The following ZKSCAN3 variants were observed in gnomAD, a reference collection of about 807,000 sequenced individuals.
ZKSCAN3 encodes the protein zinc finger protein with KRAB and SCAN domains 3.
In ZKSCAN3, 21 loss-of-function variants were observed where a neutral mutation model predicts 30.7. That is an observed-to-expected ratio of 0.68 (90% CI 0.49 to 0.99). The LOEUF (loss-of-function observed/expected upper bound fraction) is 0.99, where lower values mean the gene tolerates loss of function less well. Among genes scored for constraint, ZKSCAN3 ranks in the 50% least tolerant of loss-of-function variants. The probability of loss-of-function intolerance (pLI) is 0.00; values close to 1 mark genes in which losing one functional copy is unlikely to be tolerated. For synonymous variants in ZKSCAN3, 201 were observed against 246.7 expected (o/e 0.81, Z 1.73); for missense variants, 507 against 647.1 (o/e 0.78, Z 2.35).
rs941356473 is a variant in ZKSCAN3 at position 28,368,012 on chromosome 6, A to G, written c.*1727A>G. On this transcript the variant is annotated 3_prime_UTR_variant, in exon 6 of 6. Transcript: ENST00000252211. ...TTAACTCGTCATTTACATTGGGTGT[A>G]TCTCCTAATGCTTTCCCTCCCCCCA... The G allele has an allele frequency of 6.7e-6, 1 of 148,322 alleles. No individual in the cohort carries two copies. The highest frequency in any genetic ancestry group is 2.5e-5 in the African/African-American group (1 of 40,468). 9.2% of individuals were successfully genotyped at this position (148,322 alleles called of 1,614,324 possible). A position where few individuals can be genotyped will look rare whatever the true frequency, so the allele number is the denominator to read the frequency against.
chr6:28,367,592 C>A lies in ZKSCAN3; in HGVS notation c.*1307C>A, dbSNP rs1308845285. ...AGTATCTTAGTTCTCTCGGGCCTAA[C>A]CAATGCCTCCTAAAACAATAGATAC... On this transcript the variant is annotated 3_prime_UTR_variant, in exon 6 of 6. Transcript: ENST00000252211. 1 of 152,160 alleles carries A rather than the reference C, an allele frequency of 6.6e-6. No homozygotes were observed. The highest frequency in any genetic ancestry group is 1.5e-5 in the Non-Finnish European group (1 of 68,026). 9.4% of individuals were successfully genotyped at this position (152,160 alleles called of 1,614,324 possible).
chr6:28,352,308 T>C (rs1022991706), intron 1 of ZKSCAN3, among the ~76,000 whole-genome samples: 3 of 151,088 alleles, frequency 2.0e-5, no homozygotes, highest in African/African-American at 4.9e-5. Context: ...CAGAGAGTGA[T>C]TTAATTGATT....
In ZKSCAN3 at chr6:28,366,582, C is replaced by A. The variant is rs1250572926; in HGVS notation, c.*297C>A. 6 of 232,948 alleles carry A rather than the reference C, an allele frequency of 2.6e-5. No individual in the cohort carries two copies. The highest frequency in any genetic ancestry group is 4.1e-5 in the Non-Finnish European group (5 of 120,504). The allele number at this position is 232,948 out of a possible 1,614,324, so 14.4% of individuals were successfully genotyped here. On this transcript the variant is annotated 3_prime_UTR_variant, in exon 6 of 6. Transcript: ENST00000252211. Reference sequence around the variant, plus strand: ...GTTTAGACTGGCTACTTGCCCTAAACCAGCACTTGGTGATGTCTACTGGGT... The same window carrying A: ...GTTTAGACTGGCTACTTGCCCTAAAACAGCACTTGGTGATGTCTACTGGGT...
At chr6:28,362,123 CT>C (rs1304841393) in intron 3 of ZKSCAN3, among the ~76,000 whole-genome samples, 2 of 152,144 alleles carry the variant, frequency 1.3e-5, no homozygotes, top group African/African-American at 4.8e-5. Context: ...TGTCTTTGTT[CT>C]TCTTTAACTT....
intron 1 of ZKSCAN3, among the ~76,000 whole-genome samples, chr6:28,358,112 A>G (rs1765547526): frequency 6.6e-6 from 1 of 152,332 alleles, no homozygotes; most frequent in South Asian, 2.1e-4. Flanking sequence ...CCCCAATGAT[A>G]CCAAAATTTG....
rs1048861200 is a variant in ZKSCAN3, at chr6:28,359,565, C to T, written c.-22C>T. On this transcript the variant is annotated 5_prime_UTR_variant, in exon 2 of 6. Transcript: ENST00000252211. ...ATAGCGCTGGAAGCTAGAGTGAGGC[C>T]TGAGTACTGCCTTGGCCTAGGATGG... is the stretch of plus-strand genomic sequence containing the variant. The T allele has an allele frequency of 6.2e-6, 10 of 1,606,228 alleles. No individual in the cohort carries two copies. The African/African-American group carries it at 1.1e-4, about 17-fold the overall frequency.
intron 3 of ZKSCAN3, 69 bp from the exon 4 acceptor site, chr6:28,363,234 C>T: frequency 7.4e-7 from 1 of 1,360,440 alleles, no homozygotes; most frequent in Non-Finnish European, 1.0e-6. Flanking sequence ...AGTTATTTAA[C>T]TTAGATTGCA....
intron 1 of ZKSCAN3, among the ~76,000 whole-genome samples, chr6:28,352,924 G>A (rs1765142101): frequency 6.7e-6 from 1 of 150,094 alleles, no homozygotes; most frequent in Admixed American, 6.6e-5. Context: ...TTTTCCCTTT[G>A]TAACCTCTAC....
At chr6:28,363,473 C>T (rs569382698) in intron 4 of ZKSCAN3, 88 bp downstream of exon 4, 21 of 1,376,748 alleles carry the variant, frequency 1.5e-5, no homozygotes, top group Admixed American at 7.6e-5. Context: ...CCCCTCCACC[C>T]CAATCCTAGA....
At position 28,351,982 on chromosome 6, in the gene ZKSCAN3, GT is replaced by G. The variant is rs200896456; in HGVS notation, c.-63+1927del. On this transcript the variant is annotated intron_variant, in intron 1 of 5. Transcript: ENST00000252211. This position sits in a 1 kb window ranked among gnomAD's most constrained non-coding sequence, Gnocchi z 4.6. Reference sequence around the variant, plus strand: ...AATAATTGTCTCAAATATTTCTAGAGTTTTTTTTTTTTACAGTCTTTTTACA... The same window carrying G: ...AATAATTGTCTCAAATATTTCTAGAGTTTTTTTTTTTACAGTCTTTTTACA... Among the ~76,000 whole-genome samples the G allele has an allele frequency of 3.6e-4, 52 of 145,648 alleles. No individual in the cohort carries two copies. The highest frequency in any genetic ancestry group is 4.4e-4 in the South Asian group (2 of 4,596).
chr6:28,351,744 CT>C lies in ZKSCAN3; in HGVS notation c.-63+1678del, dbSNP rs113627966. Among the ~76,000 whole-genome samples, 300 of 151,730 alleles carry C rather than the reference CT, an allele frequency of 2.0e-3. 1 individual carries two copies. Among genetic ancestry groups the C allele is most frequent in the Middle Eastern group, 6.8e-3 (2 of 294 alleles). On this transcript the variant is annotated intron_variant, in intron 1 of 5. Transcript: ENST00000252211. The surrounding 1 kb of genome is among the most constrained non-coding windows in gnomAD (Gnocchi z 4.6). Reference sequence around the variant, plus strand: ...TTCCTTTCCTTCCCTCCCTCTCCCCCTCTTTATCTCTTTTTTTTCCTCATTT... The same window carrying C: ...TTCCTTTCCTTCCCTCCCTCTCCCCCCTTTATCTCTTTTTTTTCCTCATTT...
chr6:28,360,966 C>A (rs1706836928), intron 2 of ZKSCAN3, among the ~76,000 whole-genome samples: 1 of 152,048 alleles, frequency 6.6e-6, no homozygotes, highest in African/African-American at 2.4e-5. Flanking sequence ...ATCCCCTTTT[C>A]AGATAATAAA....
rs192599503 is a variant in ZKSCAN3 at position 28,367,137 on chromosome 6, C to G, written c.*852C>G. Reference sequence around the variant, plus strand: ...TTTACCGTGTTAGCCAGGATGGTCTCGATCTCCTAACCTCATGATCCTCCT... The same window carrying G: ...TTTACCGTGTTAGCCAGGATGGTCTGGATCTCCTAACCTCATGATCCTCCT... On this transcript the variant is annotated 3_prime_UTR_variant, in exon 6 of 6. Coordinates refer to ENST00000252211, the MANE Select transcript of ZKSCAN3 (RefSeq NM_024493.4). 1.3e-5 allele frequency: 2 copies of G among 151,842 alleles called. No homozygotes were observed. The highest frequency in any genetic ancestry group is 2.9e-5 in the Non-Finnish European group (2 of 68,044). The allele number at this position is 151,842 out of a possible 1,614,324, so 9.4% of individuals were successfully genotyped here.
At chr6:28,355,351 C>T (rs72854536) in intron 1 of ZKSCAN3, 6,867 of 152,252 alleles carry the variant, frequency 0.045, 242 homozygotes, top group Non-Finnish European at 0.064. Context: ...ATGCGCGCGA[C>T]GACTGTAGCC....
Position 28,365,753 on chromosome 6 carries a change from G to C in ZKSCAN3, c.1085G>C (p.Arg362Thr). 6.2e-7 allele frequency: 1 copy of C among 1,614,116 alleles called. No homozygotes were observed. Among genetic ancestry groups the C allele is most frequent in the Non-Finnish European group, 8.5e-7 (1 of 1,179,960 alleles). The change falls in exon 6 of 6, where the codon AGA (arginine) becomes ACA (threonine). Residue 362 changes from arginine (R) to threonine (T), a missense_variant. By Grantham distance (71) the Arg-to-Thr change is moderately conservative. Coordinates refer to ENST00000252211, the MANE Select transcript of ZKSCAN3 (RefSeq NM_024493.4). ...AGCTCTGCCCTTGTCATTCATCAGAGAGTCCACACTGGTGAGAAGCCATAT... is the reference window on the plus strand; with the variant it reads ...AGCTCTGCCCTTGTCATTCATCAGACAGTCCACACTGGTGAGAAGCCATAT... ...IGSSALVIHQRVHTGEKPYEC... is the reference protein window; with the variant it reads ...IGSSALVIHQTVHTGEKPYEC...
chr6:28,355,333 G>C (rs1015453246), intron 1 of ZKSCAN3: 1 of 152,144 alleles, frequency 6.6e-6, no homozygotes, highest in African/African-American at 2.4e-5. Context: ...CCTGCTATTG[G>C]GTAAGTCATG....
chr6:28,359,727 G>C lies in ZKSCAN3; in HGVS notation c.141G>C (p.Glu47Asp). The stretch of plus-strand genomic sequence containing the variant: ...ATCTGGGTTCTGAGGGCTCCCGCGA[G>C]CGCTTCCGAGGCTTCCGCTACCCGG... ...SPDLGSEGSR[E>D]RFRGFRYPEA... is the part of the protein sequence containing the mutation. The change falls in exon 2 of 6, where the codon GAG becomes GAC. Residue 47 changes from glutamate to aspartate, a missense_variant. Glu to Asp is a conservative substitution (Grantham distance 45). Coordinates refer to ENST00000252211, the MANE Select transcript of ZKSCAN3 (RefSeq NM_024493.4). 6.2e-7 allele frequency: 1 copy of C among 1,614,162 alleles called. No homozygotes were observed. The highest frequency in any genetic ancestry group is 1.3e-5 in the African/African-American group (1 of 75,064).
At chr6:28,358,844 A>G (rs1765592428) in intron 1 of ZKSCAN3, among the ~76,000 whole-genome samples, 1 of 147,720 alleles carries the variant, frequency 6.8e-6, no homozygotes, top group Admixed American at 7.0e-5. Context: ...AGATCATGCC[A>G]CTGCACTCCA....
chr6:28,360,002 G>T lies in ZKSCAN3; in HGVS notation c.402+14G>T, dbSNP rs1581734550. On this transcript the variant is annotated intron_variant, in intron 2 of 5. Coordinates refer to ENST00000252211, the MANE Select transcript of ZKSCAN3 (RefSeq NM_024493.4). ...CCGGCGCCGCAGGTAGAAAGAACAG[G>T]TTTAGTATCTGAGCGCTGTGGCCTG... 1.2e-6 allele frequency: 2 copies of T among 1,614,056 alleles called. No homozygotes were observed. Among genetic ancestry groups the T allele is most frequent in the Non-Finnish European group, 1.7e-6 (2 of 1,180,044 alleles).
Sources: allele counts gnomAD v4.1 joint callset (sites outside exome capture counted in the v4.1 genomes callset), GRCh38; gene constraint gnomAD v4.1.1; non-coding constraint Gnocchi (gnomAD v3.1); transcripts MANE v1.5; gene names NCBI Gene and HGNC (gene_info 2026-07-23, HGNC 2026-07-21).